The following GABRB3 variants were observed in gnomAD, a reference collection of about 807,000 sequenced individuals.
The protein encoded by GABRB3 is gamma-aminobutyric acid receptor subunit beta-3.
Under a neutral mutation model 52.1 loss-of-function variants are expected in GABRB3, and 14 were observed. The observed-to-expected ratio is 0.27, with a 90% CI of 0.18 to 0.42. GABRB3 has a LOEUF of 0.42. GABRB3 is among the 10% of genes least tolerant of loss of function. GABRB3 has a pLI of 1.00. For missense variants in GABRB3, 307 were observed against 609.1 expected (o/e 0.50, Z 5.22); for synonymous variants, 260 against 232.3 (o/e 1.12, Z -1.08).
intron 3 of GABRB3, among the ~76,000 whole-genome samples, chr15:26,758,677 C>A (rs1444696058): frequency 6.6e-6 from 1 of 152,114 alleles, no homozygotes; most frequent in Non-Finnish European, 1.5e-5. Flanking sequence ...GATTCTACCC[C>A]AGGTGTGCTA....
Position 26,546,064 on chromosome 15 carries a change from G to A in GABRB3, c.*1729C>T, listed in dbSNP as rs1323045522. 6.6e-6 allele frequency: 1 copy of A among 152,602 alleles called. No homozygotes were observed. Among genetic ancestry groups the A allele is most frequent in the Admixed American group, 6.5e-5 (1 of 15,270 alleles). 9.5% of individuals were successfully genotyped at this position (152,602 alleles called of 1,614,324 possible). A position where few individuals can be genotyped will look rare whatever the true frequency, so the allele number is the denominator to read the frequency against. ...GGAGGGTGGTGCCTCTACCTACATC[G>A]AGACAACTGGGGCCTACCATTGGAG... On this transcript the variant is annotated 3_prime_UTR_variant, in exon 9 of 9. Transcript: ENST00000311550.
chr15:26,678,011 T>G (rs2140642324), intron 3 of GABRB3, among the ~76,000 whole-genome samples: 1 of 151,732 alleles, frequency 6.6e-6, no homozygotes, highest in Non-Finnish European at 1.5e-5. Context: ...GTGTGGGCAT[T>G]TTAGCAATTT....
chr15:26,676,850 T>C (rs1363937949), intron 3 of GABRB3, among the ~76,000 whole-genome samples: 1 of 152,194 alleles, frequency 6.6e-6, no homozygotes, highest in Non-Finnish European at 1.5e-5. Context: ...ATACCAGATA[T>C]TATATATATT....
intron 3 of GABRB3, among the ~76,000 whole-genome samples, chr15:26,691,209 G>GT (rs1053336434): frequency 6.6e-6 from 1 of 151,922 alleles, no homozygotes; most frequent in African/African-American, 2.4e-5. Flanking sequence ...GGTTTCTCTT[G>GT]TTTTTTCCCT....
chr15:26,764,060 G>A (rs964437010), intron 3 of GABRB3, among the ~76,000 whole-genome samples: 3 of 148,598 alleles, frequency 2.0e-5, no homozygotes, highest in South Asian at 2.1e-4. Flanking sequence ...TGAGGCAAGA[G>A]AATTGCTTGA....
At chr15:26,719,039 A>G (rs889882686) in intron 3 of GABRB3, among the ~76,000 whole-genome samples, 1 of 152,304 alleles carries the variant, frequency 6.6e-6, no homozygotes, top group African/African-American at 2.4e-5. Context: ...CCCCACCGCC[A>G]CCTGGCAAGT....
At chr15:26,577,467 C>A (rs921669594) in intron 6 of GABRB3, among the ~76,000 whole-genome samples, 1 of 151,980 alleles carries the variant, frequency 6.6e-6, no homozygotes, top group Non-Finnish European at 1.5e-5. Flanking sequence ...GAGAGGAAAT[C>A]GTGCCACTGC....
chr15:26,646,391 G>A (rs1887006627), intron 3 of GABRB3, among the ~76,000 whole-genome samples: 2 of 152,136 alleles, frequency 1.3e-5, no homozygotes, highest in Non-Finnish European at 2.9e-5. Context: ...ATGTATCAGT[G>A]TTTCATTTCT....
At chr15:26,579,354 G>A (rs1022352165) in intron 6 of GABRB3, among the ~76,000 whole-genome samples, 2 of 152,194 alleles carry the variant, frequency 1.3e-5, no homozygotes, top group Non-Finnish European at 2.9e-5. Flanking sequence ...CTGGGGGGCT[G>A]TGCCGGGTCA....
At chr15:26,553,812 G>A (rs764123163) in intron 8 of GABRB3, among the ~76,000 whole-genome samples, 7 of 151,646 alleles carry the variant, frequency 4.6e-5, no homozygotes, top group Non-Finnish European at 8.8e-5. Flanking sequence ...TCTAACTGAT[G>A]AGACCTTAAA....
chr15:26,576,527 G>A (rs1055343090), intron 6 of GABRB3, among the ~76,000 whole-genome samples: 7 of 152,186 alleles, frequency 4.6e-5, no homozygotes, highest in African/African-American at 1.2e-4. Flanking sequence ...TACTGAAACC[G>A]ACTGGAAAAA....
intron 4 of GABRB3, among the ~76,000 whole-genome samples, chr15:26,591,039 G>C (rs192085041): frequency 2.0e-5 from 3 of 152,296 alleles, no homozygotes; most frequent in African/African-American, 7.2e-5. Flanking sequence ...TGAACACAGA[G>C]AGCAGGACTG....
intron 3 of GABRB3, among the ~76,000 whole-genome samples, chr15:26,706,898 G>A (rs950558538): frequency 1.3e-5 from 2 of 152,204 alleles, no homozygotes; most frequent in African/African-American, 2.4e-5. Context: ...CTTCTGTGAG[G>A]AGTAAAGGTG....
At chr15:26,623,651 C>T (rs930389070) in intron 3 of GABRB3, among the ~76,000 whole-genome samples, 11 of 152,186 alleles carry the variant, frequency 7.2e-5, no homozygotes, top group Non-Finnish European at 5.9e-5. Flanking sequence ...ACCTCTTTTA[C>T]TGAGCTTGCA....
chr15:26,739,833 T>C (rs1055657298), intron 3 of GABRB3, among the ~76,000 whole-genome samples: 2 of 152,152 alleles, frequency 1.3e-5, no homozygotes, highest in African/African-American at 4.8e-5. Flanking sequence ...TCCTTTATGC[T>C]AGGAAAAGAA....
intron 3 of GABRB3, among the ~76,000 whole-genome samples, chr15:26,657,461 CG>C (rs1336640101): frequency 1.3e-5 from 2 of 152,132 alleles, no homozygotes; most frequent in African/African-American, 2.4e-5. Flanking sequence ...TCTAAATCTA[CG>C]GATGGATGTT....
intron 3 of GABRB3, among the ~76,000 whole-genome samples, chr15:26,760,255 C>T (rs987395134): frequency 6.6e-6 from 1 of 152,162 alleles, no homozygotes; most frequent in African/African-American, 2.4e-5. Context: ...AGAAGGTCTC[C>T]TTATGTTTCA....
chr15:26,586,500 G>A (rs1467881537), intron 4 of GABRB3, among the ~76,000 whole-genome samples: 2 of 151,398 alleles, frequency 1.3e-5, no homozygotes, highest in African/African-American at 4.9e-5. Context: ...GAGGGAGAAG[G>A]GGAACCTGAG....
At chr15:26,662,177 A>G (rs1245785972) in intron 3 of GABRB3, among the ~76,000 whole-genome samples, 2 of 152,180 alleles carry the variant, frequency 1.3e-5, no homozygotes, top group African/African-American at 4.8e-5. Context: ...GCTGATCTAT[A>G]CTTATCCTCT....
Sources: allele counts gnomAD v4.1 joint callset (sites outside exome capture counted in the v4.1 genomes callset), GRCh38; gene constraint gnomAD v4.1.1; transcripts MANE v1.5; gene names NCBI Gene and HGNC (gene_info 2026-07-23, HGNC 2026-07-21).